The following REC8 variants were observed in gnomAD, a reference collection of about 807,000 sequenced individuals.
REC8 encodes REC8 meiotic recombination protein, also known as meiotic recombination protein REC8 homolog.
In REC8, 42 loss-of-function variants were observed where a neutral mutation model predicts 78.3. That is an observed-to-expected ratio of 0.54 (90% CI 0.42 to 0.69). The LOEUF is 0.69. REC8 is among the 30% of genes least tolerant of loss of function. The probability of loss-of-function intolerance (pLI) is 0.00; values close to 1 mark genes in which losing one functional copy is unlikely to be tolerated. For synonymous variants in REC8, 268 were observed against 274.1 expected, an observed-to-expected ratio of 0.98 and a Z score of 0.22; for missense variants, 581 against 715.8, an observed-to-expected ratio of 0.81 and a Z score of 2.15.
chr14:24,175,853 CTACCA>C (rs1300827109), intron 6 of REC8, among the ~76,000 whole-genome samples: 1 of 152,006 alleles, frequency 6.6e-6, no homozygotes, highest in African/African-American at 2.4e-5. Context: ...CAGATGTGCA[CTACCA>C]TGCCCGGCGA....
At chr14:24,179,284 A>G in intron 15 of REC8, 113 bp from the exon 16 acceptor site, 1 of 1,275,286 alleles carries the variant, frequency 7.8e-7, no homozygotes. Context: ...TCTCCCACCT[A>G]TGTGCTTTTA....
In REC8 at chr14:24,176,816, C is replaced by T; in HGVS notation, c.545-6C>T. On this transcript the variant is annotated splice_polypyrimidine_tract_variant and splice_region_variant and intron_variant, in intron 6 of 18. Transcript: ENST00000611366. ...AGAGAGGCTAGTGACTCTCTTGTCC[C>T]TCCAGAGAGGATTCCGGTCACTGTG... The T allele has an allele frequency of 6.2e-7, 1 of 1,609,934 alleles. No homozygotes were observed. Among genetic ancestry groups the T allele is most frequent in the Non-Finnish European group, 8.5e-7 (1 of 1,176,964 alleles).
At chr14:24,179,273 CTCT>C in intron 15 of REC8, 121 bp from the exon 16 acceptor site, 1 of 1,226,192 alleles carries the variant, frequency 8.2e-7, no homozygotes, top group South Asian at 1.2e-5. Flanking sequence ...TCCTCCTCAG[CTCT>C]CCCACCTATG....
chr14:24,177,721 C>G lies in REC8; in HGVS notation c.827C>G (p.Pro276Arg), dbSNP rs777574023. 1.9e-6 allele frequency: 3 copies of G among 1,611,356 alleles called. No homozygotes were observed. The highest frequency in any genetic ancestry group is 2.2e-5 in the East Asian group (1 of 44,860). The part of the protein sequence containing the change: ...PGALLMEVTP[P>R]EELRLPAPPS... ...GGTGTTGTTGCAGAGGTGACCCCCC[C>G]GGAGGAGCTGCGTCTGCCAGCCCCA... Residue 276 changes from proline to arginine, a missense_variant, in exon 11 of 19, where the codon CCG (proline) becomes CGG (arginine). Coordinates refer to ENST00000611366, the MANE Select transcript of REC8 (RefSeq NM_001048205.2).
chr14:24,179,363 C>T, intron 15 of REC8, 34 bp from the exon 16 acceptor site: 1 of 1,611,184 alleles, frequency 6.2e-7, no homozygotes. Flanking sequence ...GCCACCCAAG[C>T]AGACACCCAC....
chr14:24,172,993 C>A lies in REC8; in HGVS notation c.220C>A (p.Gln74Lys). The A allele has an allele frequency of 6.2e-7, 1 of 1,609,048 alleles. No homozygotes were observed. Among genetic ancestry groups the A allele is most frequent in the Non-Finnish European group, 8.5e-7 (1 of 1,180,032 alleles). ...RFSLYLSAQL[Q>K]IGVIRVYSQQ... is the part of the protein sequence containing the mutation. ...CTCCCTCTATCTCTCAGCCCAACTT[C>A]AGATCGGTGTGATCCGCGTCTATTC... The change falls in exon 3 of 19, where the codon CAG (glutamine) becomes AAG (lysine). Residue 74 changes from glutamine (Q) to lysine (K), a missense_variant. By Grantham distance (53) the Gln-to-Lys change is moderately conservative. Transcript: ENST00000611366.
chr14:24,180,357 G>C, downstream of REC8: 2 of 1,527,742 alleles, frequency 1.3e-6, no homozygotes, highest in South Asian at 1.2e-5. Context: ...CAGAATCTTT[G>C]GTAAGGCAGA....
At position 24,173,345 on chromosome 14, in the gene REC8, T is replaced by C. The variant is rs1222248203; in HGVS notation, c.396T>C (p.Ala132=). 6.2e-7 allele frequency: 1 copy of C among 1,614,160 alleles called. No individual in the cohort carries two copies. The highest frequency in any genetic ancestry group is 8.5e-7 in the Non-Finnish European group (1 of 1,180,024). The part of the protein sequence containing the change: ...HLAMMETLED[A]PDPFFGMMSV... ...CCATGATGGAGACCCTAGAAGATGC[T>C]CCAGATCCCTTTTTTGGGATGATGT... is the stretch of plus-strand genomic sequence containing the variant. Residue 132 remains alanine, a synonymous_variant, in exon 5 of 19, where the codon GCT becomes GCC. Coordinates refer to ENST00000611366, the MANE Select transcript of REC8 (RefSeq NM_001048205.2).
In REC8 at chr14:24,178,919, AACTGCACCACCTGTTT is replaced by A. The variant is rs768663882; in HGVS notation, c.1203+10_1203+25del. The A allele has an allele frequency of 6.2e-7, 1 of 1,613,220 alleles. No individual in the cohort carries two copies. The highest frequency in any genetic ancestry group is 1.3e-5 in the African/African-American group (1 of 75,032). ...TTGAAGTTCCAAGTGAGATTGAGGTAACTGCACCACCTGTTTACTGCATCGCCCCAGTGCCAGGGTC... is the reference window on the plus strand; with the variant it reads ...TTGAAGTTCCAAGTGAGATTGAGGTAACTGCATCGCCCCAGTGCCAGGGTC... On this transcript the variant is annotated splice_donor_5th_base_variant and intron_variant, in intron 14 of 18. Transcript: ENST00000611366.
Position 24,172,558 on chromosome 14 carries a change from CTACTAT to C in REC8, c.7_12del (p.Tyr3_Tyr4del). The C allele has an allele frequency of 6.2e-7, 1 of 1,612,590 alleles. No homozygotes were observed. Among genetic ancestry groups the C allele is most frequent in the Non-Finnish European group, 8.5e-7 (1 of 1,178,940 alleles). ...GGTGAAAGACCAGAGGGACAATGTT[CTACTAT>C]CCCAACGTGCTTCAGCGCCACACCG... On this transcript the variant is annotated inframe_deletion, in exon 1 of 19. Transcript: ENST00000611366.
At chr14:24,178,372 C>A in intron 12 of REC8, 150 bp downstream of exon 12, 1 of 823,408 alleles carries the variant, frequency 1.2e-6, no homozygotes, top group Non-Finnish European at 1.9e-6. Context: ...AAAATGCAGG[C>A]GATGTGGGTT....
In REC8 at chr14:24,173,000, G is replaced by T. The variant is rs1447951411; in HGVS notation, c.227G>T (p.Gly76Val). The T allele has an allele frequency of 2.5e-6, 4 of 1,608,686 alleles. No individual in the cohort carries two copies. In the African/African-American group the frequency reaches 5.3e-5, roughly 21 times the overall value. The change falls in exon 3 of 19, where the codon GGT (glycine) becomes GTT (valine). Residue 76 changes from glycine (G) to valine (V), a missense_variant. Gly to Val is a moderately radical substitution (Grantham distance 109). Coordinates refer to ENST00000611366, the MANE Select transcript of REC8 (RefSeq NM_001048205.2). ...SLYLSAQLQI[G>V]VIRVYSQQCQ... is the part of the protein sequence containing the mutation. ...TATCTCTCAGCCCAACTTCAGATCGGTGTGATCCGCGTCTATTCTCAACAA... is the reference window on the plus strand; with the variant it reads ...TATCTCTCAGCCCAACTTCAGATCGTTGTGATCCGCGTCTATTCTCAACAA...
chr14:24,177,095 A>C (rs757775948), intron 7 of REC8, 46 bp from the exon 8 acceptor site: 2 of 1,588,626 alleles, frequency 1.3e-6, no homozygotes, highest in Non-Finnish European at 1.7e-6. Context: ...TGCCTTTTTC[A>C]GAAATATTAT....
chr14:24,179,380 C>T lies in REC8; in HGVS notation c.1253-17C>T, dbSNP rs1006396327. On this transcript the variant is annotated splice_polypyrimidine_tract_variant and intron_variant, in intron 15 of 18. Transcript: ENST00000611366. Reference sequence around the variant, plus strand: ...CACCCAAGCAGACACCCACTAGCGCCTTTCCTCCCCCAACAGAGATCTCCC... The same window carrying T: ...CACCCAAGCAGACACCCACTAGCGCTTTTCCTCCCCCAACAGAGATCTCCC... 6 of 1,613,748 alleles carry T rather than the reference C, an allele frequency of 3.7e-6. No homozygotes were observed. In the African/African-American group the frequency reaches 6.7e-5, roughly 18 times the overall value.
rs34075659 is a variant in REC8, at chr14:24,172,747, C to G, written c.91C>G (p.Arg31Gly). 1.1e-5 allele frequency: 17 copies of G among 1,614,200 alleles called. No homozygotes were observed. The South Asian group carries it at 1.8e-4, about 17-fold the overall frequency. ...GACTCGCGGCAGCCGGTTGGTGAAG[C>G]GCGAATACCTGAGGGTGAATGTGGT... ...AATRGSRLVK[R>G]EYLRVNVVKT... is the part of the protein sequence containing the mutation. The change falls in exon 2 of 19, where the codon CGC becomes GGC. Residue 31 changes from arginine to glycine, a missense_variant. By Grantham distance (125) the Arg-to-Gly change is moderately radical. Transcript: ENST00000611366.
chr14:24,173,400 G>A lies in REC8; in HGVS notation c.451G>A (p.Asp151Asn), dbSNP rs767739537. Residue 151 changes from aspartate to asparagine, a missense_variant, in exon 5 of 19, where the codon GAT becomes AAT. By Grantham distance (23) the Asp-to-Asn change is conservative (BLOSUM62 1). Transcript: ENST00000611366. ...GGATCCCAGACTTCCTAGTCCTTTC[G>A]ATATCCCTCAGGTAGGGCTCATTCC... ...SVDPRLPSPF[D>N]IPQIRHLLEA... The A allele has an allele frequency of 1.1e-5, 18 of 1,614,054 alleles. No homozygotes were observed. The highest frequency in any genetic ancestry group is 1.7e-5 in the Admixed American group (1 of 60,010).
At chr14:24,173,513 C>G in intron 5 of REC8, 102 bp downstream of exon 5, 2 of 1,557,808 alleles carry the variant, frequency 1.3e-6, no homozygotes, top group Non-Finnish European at 1.7e-6. Flanking sequence ...CTTACCACAG[C>G]TCTCTCCCAC....
At chr14:24,179,277 C>A in intron 15 of REC8, 120 bp from the exon 16 acceptor site, 1 of 1,247,866 alleles carries the variant, frequency 8.0e-7, no homozygotes, top group Non-Finnish European at 1.2e-6. Context: ...CCTCAGCTCT[C>A]CCACCTATGT....
At chr14:24,175,121 C>T (rs1194508684) in intron 5 of REC8, among the ~76,000 whole-genome samples, 8 of 151,354 alleles carry the variant, frequency 5.3e-5, no homozygotes, top group Non-Finnish European at 7.4e-5. Context: ...ATTCTCCTGT[C>T]TCCGCCTCTC....
Sources: gnomAD v4.1 joint callset for allele counts (sites outside exome capture counted in the v4.1 genomes callset) on GRCh38, gnomAD v4.1.1 for gene constraint, MANE v1.5 for transcripts, NCBI Gene and HGNC (gene_info 2026-07-23, HGNC 2026-07-21) for gene names.